The following SCAPER variants were observed in gnomAD, a reference collection of about 807,000 sequenced individuals.
SCAPER encodes the protein S phase cyclin A-associated protein in the endoplasmic reticulum.
SCAPER carries 98 observed loss-of-function variants against 182.2 expected under a neutral mutation model. The observed-to-expected ratio is 0.54, with a 90% confidence interval of 0.46 to 0.64. The LOEUF (loss-of-function observed/expected upper bound fraction) is 0.64, where lower values mean the gene tolerates loss of function less well. SCAPER is among the 30% of genes least tolerant of loss of function. SCAPER has a pLI of 0.00. For synonymous variants in SCAPER, 605 were observed against 564.6 expected (o/e 1.07, Z -1.01); for missense variants, 1,432 against 1,690.0 (o/e 0.85, Z 2.68).
rs1216368982 is a variant in SCAPER, at chr15:76,381,581, G to A, written c.3502C>T (p.Pro1168Ser). The A allele has an allele frequency of 4.4e-6, 7 of 1,604,376 alleles. No individual in the cohort carries two copies. The highest frequency in any genetic ancestry group is 6.0e-6 in the Non-Finnish European group (7 of 1,175,168). Residue 1168 changes from proline to serine, a missense_variant, in exon 28 of 32, where the codon CCC becomes TCC. Around this residue, in one of 5 missense-constraint regions of SCAPER, gnomAD observed 718 missense variants for 799.7 expected, o/e 0.90. Transcript: ENST00000563290. ...TGAAGAGCAGCTGTCAGCCCTGTGG[G>A]ATCCTGGCGATTATTGTCAAATATG... The part of the protein sequence containing the change: ...YSIFDNNRQD[P>S]TGLTAALQAT...
At chr15:76,777,558 G>T (rs2063819124) in intron 8 of SCAPER, among the ~76,000 whole-genome samples, 1 of 152,108 alleles carries the variant, frequency 6.6e-6, no homozygotes, top group South Asian at 2.1e-4. Context: ...AGCAGACATG[G>T]TGGCACATGC....
At chr15:76,622,882 G>A (rs1207417559) in intron 21 of SCAPER, among the ~76,000 whole-genome samples, 1 of 152,118 alleles carries the variant, frequency 6.6e-6, no homozygotes, top group East Asian at 1.9e-4. Flanking sequence ...TTGGAAGTCG[G>A]GCCCAATGAA....
At chr15:76,497,109 C>T (rs369069636) in intron 24 of SCAPER, among the ~76,000 whole-genome samples, 57 of 86,712 alleles carry the variant, frequency 6.6e-4, no homozygotes, top group East Asian at 1.4e-3. Context: ...TTGGTCTCCT[C>T]TTTTTTTTTT....
chr15:76,402,900 C>T (rs773915484), intron 27 of SCAPER, among the ~76,000 whole-genome samples: 6 of 151,990 alleles, frequency 3.9e-5, no homozygotes, highest in Non-Finnish European at 7.4e-5. Context: ...GTGAATGACC[C>T]TTAGGTTTCT....
In SCAPER at chr15:76,562,221, G is replaced by T. The variant is rs112859863; in HGVS notation, c.2838+11937C>A. Among the ~76,000 whole-genome samples, 226 of 148,698 alleles carry T rather than the reference G, an allele frequency of 1.5e-3. 3 individuals are homozygous for T. The highest frequency in any genetic ancestry group is 4.9e-3 in the African/African-American group (200 of 40,498). On this transcript the variant is annotated intron_variant, in intron 23 of 31. Transcript: ENST00000563290. ...AAAGTAAAACCTCAAGAATATAGGA[G>T]AATATCTTCTTTACTTTGGGATGGG...
chr15:76,643,371 A>G (rs1567681789), intron 21 of SCAPER, among the ~76,000 whole-genome samples: 1 of 152,152 alleles, frequency 6.6e-6, no homozygotes, highest in East Asian at 1.9e-4. Flanking sequence ...CATGTGAGGA[A>G]GTGTGGGTCT....
At chr15:76,670,047 C>A (rs2056900855) in intron 20 of SCAPER, among the ~76,000 whole-genome samples, 2 of 152,154 alleles carry the variant, frequency 1.3e-5, no homozygotes, top group Non-Finnish European at 2.9e-5. Context: ...TATTCACATA[C>A]AAAACCACAT....
chr15:76,653,210 T>C (rs1382295810), intron 21 of SCAPER, among the ~76,000 whole-genome samples: 1 of 152,000 alleles, frequency 6.6e-6, no homozygotes, highest in Non-Finnish European at 1.5e-5. Flanking sequence ...GAAAAAAAAT[T>C]ACAGATTACA....
In SCAPER at chr15:76,764,986, A is replaced by G; in HGVS notation, c.1700T>C (p.Leu567Ser). The change falls in exon 14 of 32, where the codon TTG becomes TCG. Residue 567 changes from leucine (L) to serine (S), a missense_variant. Leu to Ser is a moderately radical substitution (Grantham distance 145, BLOSUM62 -2). Transcript: ENST00000563290. ...LREKLREEKTLKLQKLLEREK... is the reference protein window; with the variant it reads ...LREKLREEKTSKLQKLLEREK... ...CCTTTCTAACAATTTCTGAAGCTTC[A>G]ATGTTTTCTCTTCGCGTAACTTTTC... is the stretch of plus-strand genomic sequence containing the variant. 3 of 1,598,656 alleles carry G rather than the reference A, an allele frequency of 1.9e-6. No individual in the cohort carries two copies. The highest frequency in any genetic ancestry group is 2.6e-6 in the Non-Finnish European group (3 of 1,172,820).
intron 21 of SCAPER, among the ~76,000 whole-genome samples, chr15:76,651,663 T>G (rs1597932733): frequency 6.9e-6 from 1 of 145,596 alleles, no homozygotes; most frequent in Non-Finnish European, 1.5e-5. Flanking sequence ...ACCAGATAGA[T>G]TCACAGCCAA....
chr15:76,779,234 GA>G (rs1052101638), intron 8 of SCAPER, among the ~76,000 whole-genome samples: 4 of 151,618 alleles, frequency 2.6e-5, no homozygotes, highest in African/African-American at 4.8e-5. Flanking sequence ...CAACAACAGT[GA>G]AAAAAAATTT....
rs140586728 is a variant in SCAPER at position 76,446,461 on chromosome 15, GC to G, written c.3079-12152del. Among the ~76,000 whole-genome samples the G allele has an allele frequency of 2.8e-3, 423 of 152,322 alleles. 2 individuals carry two copies. Among genetic ancestry groups the G allele is most frequent in the African/African-American group, 9.8e-3 (409 of 41,572 alleles). ...AGCTGCCCAAAAGACATGTTTCATA[GC>G]AAAAGCTGCACAAGAACCTGGGGAA... is the stretch of plus-strand genomic sequence containing the variant. On this transcript the variant is annotated intron_variant, in intron 25 of 31. Coordinates refer to ENST00000563290, the MANE Select transcript of SCAPER (RefSeq NM_020843.4).
intron 24 of SCAPER, among the ~76,000 whole-genome samples, chr15:76,492,973 G>A (rs1225843120): frequency 1.3e-5 from 2 of 150,766 alleles, no homozygotes; most frequent in Non-Finnish European, 2.9e-5. Context: ...GTGATGACTA[G>A]TGCAAACCTA....
intron 5 of SCAPER, among the ~76,000 whole-genome samples, chr15:76,812,769 C>A (rs561482147): frequency 6.6e-6 from 1 of 151,756 alleles, no homozygotes; most frequent in Non-Finnish European, 1.5e-5. Context: ...CCTAAACATG[C>A]CAGTAACAAA....
intron 5 of SCAPER, among the ~76,000 whole-genome samples, chr15:76,840,587 G>A (rs530103065): frequency 2.0e-5 from 3 of 152,220 alleles, no homozygotes; most frequent in South Asian, 4.2e-4. Context: ...TCCAATTTAA[G>A]AGGAAACATA....
intron 23 of SCAPER, among the ~76,000 whole-genome samples, chr15:76,571,898 T>C (rs2047456890): frequency 6.6e-6 from 1 of 152,158 alleles, no homozygotes; most frequent in African/African-American, 2.4e-5. Context: ...TCTATGGAAG[T>C]CTTCATAAAG....
chr15:76,850,743 C>T (rs1202603924), intron 4 of SCAPER, among the ~76,000 whole-genome samples: 1 of 151,436 alleles, frequency 6.6e-6, no homozygotes, highest in Non-Finnish European at 1.5e-5. Context: ...ACCTGTAATC[C>T]CAGCTACTCA....
intron 23 of SCAPER, among the ~76,000 whole-genome samples, chr15:76,558,762 A>T (rs1328372972): frequency 6.6e-6 from 1 of 152,098 alleles, no homozygotes; most frequent in African/African-American, 2.4e-5. Flanking sequence ...AAAGACATGG[A>T]CTCAATCCAG....
At chr15:76,525,844 G>A (rs2043158037) in intron 23 of SCAPER, among the ~76,000 whole-genome samples, 1 of 152,174 alleles carries the variant, frequency 6.6e-6, no homozygotes, top group Non-Finnish European at 1.5e-5. Flanking sequence ...CTTTTTGGCA[G>A]AATGCTTTAT....
Sources: gnomAD v4.1 joint callset for allele counts (sites outside exome capture counted in the v4.1 genomes callset) on GRCh38, gnomAD v4.1.1 for gene constraint, gnomAD v4.1.1 regional missense constraint, MANE v1.5 for transcripts, NCBI Gene and HGNC (gene_info 2026-07-23, HGNC 2026-07-21) for gene names.